UGGT1: variants seen among roughly 807,000 people sequenced by gnomAD.
UGGT1 encodes UDP-glucose:glycoprotein glucosyltransferase 1.
A neutral mutation model predicts 203.9 loss-of-function variants in UGGT1; 107 were observed. The observed-to-expected ratio is 0.52, with a 90% CI of 0.45 to 0.62. The LOEUF (loss-of-function observed/expected upper bound fraction) is 0.62. Among genes scored for constraint, UGGT1 ranks in the 20% least tolerant of loss-of-function variants. The pLI is 0.00. For missense variants in UGGT1, 1,673 were observed against 1,867.2 expected, an observed-to-expected ratio of 0.90 and a Z score of 1.92; for synonymous variants, 628 against 653.5, an observed-to-expected ratio of 0.96 and a Z score of 0.59.
intron 18 of UGGT1, among the ~76,000 whole-genome samples, chr2:128,148,477 C>A (rs1689798787): frequency 6.6e-6 from 1 of 152,200 alleles, no homozygotes; most frequent in Non-Finnish European, 1.5e-5. Flanking sequence ...ACAGAGATTT[C>A]CTTTGATGCA....
rs936773806 is a variant in UGGT1 at position 128,129,060 on chromosome 2, G to T, written c.1258G>T (p.Val420Leu). ...LFDVLRNEARVMEGLHRLGIE... is the reference protein window; with the variant it reads ...LFDVLRNEARLMEGLHRLGIE... The stretch of plus-strand genomic sequence containing the variant: ...TGATGTGTTGAGGAATGAAGCTCGG[G>T]TAATGGAGGGTCTGCATAGATTGGG... Residue 420 changes from valine (V) to leucine (L), a missense_variant, in exon 13 of 41, where the codon GTA becomes TTA. Transcript: ENST00000259253. 9 of 1,612,388 alleles carry T rather than the reference G, an allele frequency of 5.6e-6. No individual in the cohort carries two copies. Among genetic ancestry groups the T allele is most frequent in the Non-Finnish European group, 7.6e-6 (9 of 1,179,512 alleles).
chr2:128,115,654 C>G lies in UGGT1; in HGVS notation c.793+434C>G, dbSNP rs1461402763. Among the ~76,000 whole-genome samples, 4 of 152,110 alleles carry G rather than the reference C, an allele frequency of 2.6e-5. No individual in the cohort carries two copies. The East Asian group carries it at 5.8e-4, about 22-fold the overall frequency. ...AAATCTTAAAGTATCCTATATTTAA[C>G]AAACAATTTTATGTTGTTTATTATT... On this transcript the variant is annotated intron_variant, in intron 7 of 40. Transcript: ENST00000259253.
intron 8 of UGGT1, among the ~76,000 whole-genome samples, chr2:128,117,151 G>A (rs904005340): frequency 6.6e-6 from 1 of 151,642 alleles, no homozygotes; most frequent in African/African-American, 2.4e-5. Flanking sequence ...GTGCAGTGGT[G>A]CAATCTCAGT....
intron 8 of UGGT1, among the ~76,000 whole-genome samples, chr2:128,117,006 CAT>C (rs1405087754): frequency 2.6e-5 from 4 of 152,122 alleles, no homozygotes; most frequent in Non-Finnish European, 4.4e-5. Flanking sequence ...TTTTTTCAAA[CAT>C]AGTCTGAGCA....
At chr2:128,176,046 C>T (rs556833285) in intron 31 of UGGT1, among the ~76,000 whole-genome samples, 9 of 152,214 alleles carry the variant, frequency 5.9e-5, no homozygotes, top group Admixed American at 2.6e-4. Flanking sequence ...AGTACAGGGC[C>T]TATTGTTGAC....
At chr2:128,096,935 C>T (rs558571216) in intron 1 of UGGT1, among the ~76,000 whole-genome samples, 2 of 152,172 alleles carry the variant, frequency 1.3e-5, no homozygotes, top group Non-Finnish European at 2.9e-5. Flanking sequence ...AGTTACATAT[C>T]AGTCACTCAG....
At chr2:128,184,323 T>C (rs1194011836) in intron 38 of UGGT1, among the ~76,000 whole-genome samples, 1 of 152,234 alleles carries the variant, frequency 6.6e-6, no homozygotes, top group Admixed American at 6.5e-5. Flanking sequence ...ATTTCACATA[T>C]TTTAAGCATT....
intron 1 of UGGT1, 116 bp downstream of exon 1, chr2:128,091,531 C>T (rs964052484): frequency 9.5e-6 from 14 of 1,475,108 alleles, no homozygotes; most frequent in African/African-American, 5.7e-5. Context: ...AGTTTACCCT[C>T]TGGTGTCCTA....
At chr2:128,155,663 A>ATT (rs1690192564) in intron 20 of UGGT1, 76 bp downstream of exon 20, 2 of 1,145,318 alleles carry the variant, frequency 1.7e-6, no homozygotes, top group Non-Finnish European at 2.5e-6. Context: ...TAATGTGCAA[A>ATT]TTAAGAGAGA....
intron 18 of UGGT1, among the ~76,000 whole-genome samples, chr2:128,150,112 C>T (rs952448413): frequency 3.3e-5 from 5 of 152,098 alleles, no homozygotes; most frequent in African/African-American, 1.2e-4. Context: ...ATACCAAGTA[C>T]TGGAAAATTT....
intron 5 of UGGT1, among the ~76,000 whole-genome samples, chr2:128,110,477 G>A (rs561660387): frequency 2.0e-5 from 3 of 152,288 alleles, no homozygotes; most frequent in East Asian, 1.9e-4. Context: ...AAAAAACAGC[G>A]TGCGTTCCAG....
At position 128,149,199 on chromosome 2, in the gene UGGT1, A is replaced by G. The variant is rs1232576512; in HGVS notation, c.2016+3232A>G. ...TGGGACCATAGGTGTATGCCACCACATGCAGCTAATTTTTGTATGTTTTGA... is the reference window on the plus strand; with the variant it reads ...TGGGACCATAGGTGTATGCCACCACGTGCAGCTAATTTTTGTATGTTTTGA... On this transcript the variant is annotated intron_variant, in intron 18 of 40. Coordinates refer to ENST00000259253, the MANE Select transcript of UGGT1 (RefSeq NM_020120.4). Among the ~76,000 whole-genome samples, 2 of 151,898 alleles carry G rather than the reference A, an allele frequency of 1.3e-5. 1 individual carries two copies. The highest frequency in any genetic ancestry group is 2.9e-5 in the Non-Finnish European group (2 of 67,946).
At chr2:128,132,739 C>G (rs536575913) in intron 13 of UGGT1, among the ~76,000 whole-genome samples, 1 of 152,190 alleles carries the variant, frequency 6.6e-6, no homozygotes, top group African/African-American at 2.4e-5. Flanking sequence ...GAGATAGGGT[C>G]TTGCTCTGTT....
chr2:128,153,800 A>G (rs1690096460), intron 19 of UGGT1, among the ~76,000 whole-genome samples: 1 of 152,130 alleles, frequency 6.6e-6, no homozygotes, highest in South Asian at 2.1e-4. Flanking sequence ...CCCAGGTGCA[A>G]TTTGTTCCTT....
chr2:128,165,770 T>TA (rs1339127339), intron 26 of UGGT1, among the ~76,000 whole-genome samples: 1 of 151,658 alleles, frequency 6.6e-6, no homozygotes, highest in African/African-American at 2.4e-5. Flanking sequence ...AAAACTTTTT[T>TA]TAAAAAAAAA....
chr2:128,168,022 G>T (rs1473053298), intron 26 of UGGT1, among the ~76,000 whole-genome samples: 1 of 152,134 alleles, frequency 6.6e-6, no homozygotes, highest in African/African-American at 2.4e-5. Context: ...GTGAGCCTTT[G>T]TATAATGCTA....
chr2:128,138,991 G>A, intron 16 of UGGT1, 139 bp downstream of exon 16: 2 of 1,115,572 alleles, frequency 1.8e-6, no homozygotes, highest in African/African-American at 1.6e-5. Flanking sequence ...CATGTCTGCT[G>A]CAGTGTATAG....
chr2:128,116,803 G>GC (rs2105377735), intron 8 of UGGT1, among the ~76,000 whole-genome samples: 1 of 152,242 alleles, frequency 6.6e-6, no homozygotes, highest in East Asian at 1.9e-4. Context: ...GGGATTACAG[G>GC]CATGAGCCAC....
chr2:128,100,696 A>G (rs11681957), intron 2 of UGGT1, among the ~76,000 whole-genome samples: 46,873 of 151,446 alleles, frequency 0.31, 8,584 homozygotes, highest in Non-Finnish European at 0.4. Context: ...TGCTGGGATT[A>G]CAGGTGTGAG....
Sources: gnomAD v4.1 joint callset for allele counts (sites outside exome capture counted in the v4.1 genomes callset) on GRCh38, gnomAD v4.1.1 for gene constraint, MANE v1.5 for transcripts, NCBI Gene and HGNC (gene_info 2026-07-23, HGNC 2026-07-21) for gene names.